XKR4: variants seen among roughly 807,000 people sequenced by gnomAD.
XKR4 encodes the protein XK related 4.
XKR4 carries 12 observed loss-of-function variants against 53.9 expected under a neutral mutation model. The ratio of observed to expected loss-of-function variants is 0.22; its 90% CI spans 0.14 to 0.36. The LOEUF is 0.36. Among genes scored for constraint, XKR4 ranks in the 10% least tolerant of loss-of-function variants. XKR4 has a pLI of 1.00. For synonymous variants in XKR4, 354 were observed against 362.4 expected, an observed-to-expected ratio of 0.98 and a Z score of 0.26; for missense variants, 799 against 859.5, an observed-to-expected ratio of 0.93 and a Z score of 0.88.
chr8:55,478,332 T>C (rs1373927261), intron 2 of XKR4, among the ~76,000 whole-genome samples: 1 of 152,008 alleles, frequency 6.6e-6, no homozygotes, highest in Non-Finnish European at 1.5e-5. Context: ...TAAAATACTT[T>C]ACAGACAAGC....
At chr8:55,128,087 T>C (rs1261772227) in intron 1 of XKR4, among the ~76,000 whole-genome samples, 1 of 152,034 alleles carries the variant, frequency 6.6e-6, no homozygotes, top group Non-Finnish European at 1.5e-5. Context: ...ATCCCTTGGG[T>C]ATATACCCAG....
chr8:55,196,946 C>G (rs1420338904), intron 1 of XKR4, among the ~76,000 whole-genome samples: 3 of 152,102 alleles, frequency 2.0e-5, no homozygotes, highest in African/African-American at 7.2e-5. Flanking sequence ...CAGAGGACTT[C>G]CGGCTCCTTC....
chr8:55,393,402 A>AGAAGGAAGGAAGGAAG (rs36208673), intron 2 of XKR4, among the ~76,000 whole-genome samples: 11 of 144,950 alleles, frequency 7.6e-5, no homozygotes, highest in Admixed American at 1.4e-4. Flanking sequence ...ATACTTCTTA[A>AGAAGGAAGGAAGGAAG]GAAGGAAGGA....
Position 55,449,598 on chromosome 8 carries a change from T to C in XKR4, c.1007-73683T>C, listed in dbSNP as rs979254014. The C allele has an allele frequency of 2.5e-6, 3 of 1,223,472 alleles. No homozygotes were observed. In the South Asian group the frequency reaches 3.6e-5, roughly 15 times the overall value. 75.8% of individuals were successfully genotyped at this position (1,223,472 alleles called of 1,614,324 possible). ...GCACAAAAGTCGTAAACGCGAGGAG[T>C]TGTCTTCACGTCAAAGAAGGCCTTC... On this transcript the variant is annotated intron_variant, in intron 2 of 2. Transcript: ENST00000327381.
intron 2 of XKR4, among the ~76,000 whole-genome samples, chr8:55,495,305 C>T (rs1349533113): frequency 6.6e-6 from 1 of 152,164 alleles, no homozygotes; most frequent in African/African-American, 2.4e-5. Flanking sequence ...CCCCCAAGAG[C>T]ACAGAGATGC....
At position 55,454,100 on chromosome 8, in the gene XKR4, G is replaced by T. The variant is rs1472244802; in HGVS notation, c.1007-69181G>T. 5.5e-5 allele frequency: 45 copies of T among 820,054 alleles called. No homozygotes were observed. In the East Asian group the frequency reaches 1.1e-3, roughly 20 times the overall value. 50.8% of individuals were successfully genotyped at this position (820,054 alleles called of 1,614,324 possible). ...GTCCTGCATATTCAAGGAGGAGGGG[G>T]ACGTCATGGGTGGAGGGAAGGCGAG... On this transcript the variant is annotated intron_variant, in intron 2 of 2. Transcript: ENST00000327381.
intron 1 of XKR4, among the ~76,000 whole-genome samples, chr8:55,319,144 A>G (rs768276160): frequency 2.6e-5 from 4 of 152,208 alleles, no homozygotes; most frequent in African/African-American, 7.2e-5. Flanking sequence ...AGAGAAATAC[A>G]CTGACAAAAA....
In XKR4 at chr8:55,198,804, T is replaced by C. The variant is rs547444496; in HGVS notation, c.806+95510T>C. ...TAGTGGGTGATAGCCAGAATCCTTT[T>C]ATGACATTAGGACAAGCATAACAAA... On this transcript the variant is annotated intron_variant, in intron 1 of 2. Coordinates refer to ENST00000327381, the MANE Select transcript of XKR4 (RefSeq NM_052898.2). 2.0e-5 allele frequency among the ~76,000 whole-genome samples: 3 copies of C among 152,308 alleles called. No homozygotes were observed. In the South Asian group the frequency reaches 6.2e-4, roughly 32 times the overall value.
chr8:55,415,778 G>A (rs1804837889), intron 2 of XKR4, among the ~76,000 whole-genome samples: 1 of 152,176 alleles, frequency 6.6e-6, no homozygotes, highest in Non-Finnish European at 1.5e-5. Context: ...CTAGATCATT[G>A]TCTTGCGAGT....
intron 1 of XKR4, among the ~76,000 whole-genome samples, chr8:55,340,379 A>G (rs907554936): frequency 6.6e-6 from 1 of 152,238 alleles, no homozygotes; most frequent in Non-Finnish European, 1.5e-5. Flanking sequence ...CAATTAATGA[A>G]TTTACATTTA....
intron 2 of XKR4, among the ~76,000 whole-genome samples, chr8:55,510,748 T>A (rs1806613632): frequency 6.6e-6 from 1 of 152,186 alleles, no homozygotes. Context: ...TAGTCTGTCT[T>A]CCCCAGGAAA....
At chr8:55,418,156 G>T (rs1804876269) in intron 2 of XKR4, among the ~76,000 whole-genome samples, 1 of 152,136 alleles carries the variant, frequency 6.6e-6, no homozygotes, top group African/African-American at 2.4e-5. Context: ...AAGGCAAGGG[G>T]GTGAGACTTC....
intron 1 of XKR4, among the ~76,000 whole-genome samples, chr8:55,345,653 T>C (rs1803625602): frequency 6.6e-6 from 1 of 152,216 alleles, no homozygotes; most frequent in Non-Finnish European, 1.5e-5. Context: ...CCTGTGCATA[T>C]TCCCCATCTC....
At chr8:55,459,884 T>C (rs1374171917) in intron 2 of XKR4, among the ~76,000 whole-genome samples, 3 of 152,048 alleles carry the variant, frequency 2.0e-5, no homozygotes, top group African/African-American at 7.2e-5. Flanking sequence ...AAGTTAAATA[T>C]TAATAATATT....
chr8:55,408,522 G>A (rs985931307), intron 2 of XKR4, among the ~76,000 whole-genome samples: 1 of 152,204 alleles, frequency 6.6e-6, no homozygotes, highest in Non-Finnish European at 1.5e-5. Flanking sequence ...GGTGGTGCAG[G>A]CCCCAAAGGA....
intron 2 of XKR4, chr8:55,451,947 C>G (rs1805454571): frequency 1.3e-6 from 1 of 774,328 alleles, no homozygotes; most frequent in Non-Finnish European, 2.3e-6. Flanking sequence ...GGCTCCAGTG[C>G]TCCTAGCTGA....
At chr8:55,241,330 G>T (rs958796530) in intron 1 of XKR4, among the ~76,000 whole-genome samples, 1 of 152,138 alleles carries the variant, frequency 6.6e-6, no homozygotes, top group Admixed American at 6.5e-5. Context: ...AGCAACCTTT[G>T]TGGTCCTGGC....
rs1331446848 is a variant in XKR4 at position 55,484,712 on chromosome 8, AG to A, written c.1007-38567del. Among the ~76,000 whole-genome samples, 3 of 152,360 alleles carry A rather than the reference AG, an allele frequency of 2.0e-5. No homozygotes were observed. In the East Asian group the frequency reaches 5.8e-4, roughly 29 times the overall value. On this transcript the variant is annotated intron_variant, in intron 2 of 2. Transcript: ENST00000327381. ...TTTGAATCATTAGATTGAGTAAAGA[AG>A]GCTGTCCTCCCCAGTGTGGGTGGGC...
At chr8:55,194,839 C>A (rs1027400357) in intron 1 of XKR4, among the ~76,000 whole-genome samples, 4 of 152,300 alleles carry the variant, frequency 2.6e-5, no homozygotes, top group South Asian at 4.1e-4. Flanking sequence ...CAATCTGTGG[C>A]TAACAAATCC....
Sources: gnomAD v4.1 joint callset for allele counts (sites outside exome capture counted in the v4.1 genomes callset) on GRCh38, gnomAD v4.1.1 for gene constraint, MANE v1.5 for transcripts, NCBI Gene and HGNC (gene_info 2026-07-23, HGNC 2026-07-21) for gene names.